PHTF2: variants seen among roughly 807,000 people sequenced by gnomAD.
The protein encoded by PHTF2 is putative homeodomain transcription factor 2, also known as protein PHTF2.
A neutral mutation model predicts 101.2 loss-of-function variants in PHTF2; 60 were observed. That is an observed-to-expected ratio of 0.59 (90% confidence interval 0.48 to 0.73). The LOEUF is 0.73. Among genes scored for constraint, PHTF2 ranks in the 30% least tolerant of loss-of-function variants. The probability of loss-of-function intolerance (pLI) is 0.00; values close to 1 mark genes in which losing one functional copy is unlikely to be tolerated. For synonymous variants in PHTF2, 311 were observed against 307.3 expected (o/e 1.01, Z -0.13); for missense variants, 747 against 908.7 (o/e 0.82, Z 2.29).
At chr7:77,921,856 G>A (rs977159412) in intron 10 of PHTF2, among the ~76,000 whole-genome samples, 7 of 151,968 alleles carry the variant, frequency 4.6e-5, no homozygotes, top group Admixed American at 2.0e-4. Flanking sequence ...TCTGACGTGC[G>A]CACATGCAGT....
At chr7:77,839,588 A>G (rs1338650637) in intron 1 of PHTF2, among the ~76,000 whole-genome samples, 1 of 152,188 alleles carries the variant, frequency 6.6e-6, no homozygotes, top group Non-Finnish European at 1.5e-5. Context: ...TGAAATATTA[A>G]AGAGTTTTTT....
chr7:77,860,643 T>G (rs1339870708), intron 3 of PHTF2, among the ~76,000 whole-genome samples: 3 of 152,214 alleles, frequency 2.0e-5, no homozygotes, highest in Non-Finnish European at 2.9e-5. Flanking sequence ...GCACTTCCTC[T>G]CCCTTCTGTT....
intron 3 of PHTF2, among the ~76,000 whole-genome samples, chr7:77,860,052 T>G (rs1797506432): frequency 6.6e-6 from 1 of 152,208 alleles, no homozygotes; most frequent in Non-Finnish European, 1.5e-5. Flanking sequence ...AAACTGCATG[T>G]AAGTTAAACC....
At chr7:77,888,909 G>A (rs940483444) in intron 3 of PHTF2, among the ~76,000 whole-genome samples, 4 of 152,114 alleles carry the variant, frequency 2.6e-5, no homozygotes, top group Non-Finnish European at 5.9e-5. Flanking sequence ...AAGCAGAAGG[G>A]GAAAGTGCAT....
At chr7:77,912,947 G>T (rs1324577810) in intron 9 of PHTF2, among the ~76,000 whole-genome samples, 5 of 151,446 alleles carry the variant, frequency 3.3e-5, no homozygotes, top group African/African-American at 1.2e-4. Context: ...GAAAGGTACT[G>T]TTTGTCATCT....
intron 17 of PHTF2, among the ~76,000 whole-genome samples, chr7:77,950,710 A>T (rs1294831930): frequency 6.6e-6 from 1 of 151,890 alleles, no homozygotes; most frequent in Non-Finnish European, 1.5e-5. Flanking sequence ...ACTTCCTCCA[A>T]CTCGCTCTGA....
At chr7:77,828,175 G>T (rs1794828207) in intron 1 of PHTF2, among the ~76,000 whole-genome samples, 4 of 152,144 alleles carry the variant, frequency 2.6e-5, no homozygotes, top group Admixed American at 2.0e-4. Flanking sequence ...TAGGTTGGTG[G>T]TAAAACTTTC....
At chr7:77,799,144 C>G (rs1792313904) in intron 1 of PHTF2, among the ~76,000 whole-genome samples, 173 bp downstream of exon 1, 1 of 152,224 alleles carries the variant, frequency 6.6e-6, no homozygotes, top group Non-Finnish European at 1.5e-5. Flanking sequence ...GGCAGTCTCC[C>G]GTACCTGAGG....
intron 12 of PHTF2, among the ~76,000 whole-genome samples, chr7:77,935,295 T>C (rs1329890416): frequency 2.3e-5 from 3 of 132,738 alleles, no homozygotes; most frequent in Non-Finnish European, 3.1e-5. Flanking sequence ...CGATCTCGGC[T>C]CACTTCAAGC....
At chr7:77,856,733 A>G (rs1280704236) in intron 3 of PHTF2, among the ~76,000 whole-genome samples, 2 of 152,104 alleles carry the variant, frequency 1.3e-5, no homozygotes, top group Non-Finnish European at 2.9e-5. Context: ...ACAACTATTT[A>G]CAGAACAGTT....
chr7:77,928,549 G>A (rs1804275124), intron 11 of PHTF2, among the ~76,000 whole-genome samples: 1 of 151,894 alleles, frequency 6.6e-6, no homozygotes, highest in South Asian at 2.1e-4. Context: ...GAGATTGGTA[G>A]ATATCCGGCC....
chr7:77,901,226 A>G (rs149255329), intron 6 of PHTF2, among the ~76,000 whole-genome samples: 7 of 152,352 alleles, frequency 4.6e-5, no homozygotes, highest in African/African-American at 1.7e-4. Flanking sequence ...TCAGATTTGA[A>G]TGGGGACTGA....
exon 20 of PHTF2, chr7:77,957,072 G>A (rs544192904): frequency 6.6e-6 from 1 of 152,282 alleles, no homozygotes; most frequent in South Asian, 2.1e-4. Context: ...ATGAATGTAA[G>A]AAATTGAAAG....
At chr7:77,896,304 C>T (rs1014858134) in intron 5 of PHTF2, among the ~76,000 whole-genome samples, 4 of 152,162 alleles carry the variant, frequency 2.6e-5, no homozygotes, top group Admixed American at 1.3e-4. Flanking sequence ...CACCTGAAAT[C>T]CCAACACTTT....
intron 11 of PHTF2, chr7:77,923,009 C>T: frequency 2.5e-6 from 3 of 1,196,416 alleles, no homozygotes; most frequent in African/African-American, 3.1e-5. Flanking sequence ...TCTTTGAAGA[C>T]TCATACATTG....
chr7:77,929,436 A>C (rs903459913), intron 12 of PHTF2, 109 bp downstream of exon 11: 7 of 620,658 alleles, frequency 1.1e-5, no homozygotes, highest in Non-Finnish European at 1.7e-5. Flanking sequence ...TTATATTTCT[A>C]TAATTTTTTT....
At chr7:77,906,292 A>G (rs1461808891) in intron 7 of PHTF2, 3 of 152,154 alleles carry the variant, frequency 2.0e-5, no homozygotes, top group African/African-American at 2.4e-5. Flanking sequence ...GGCTCTCCAT[A>G]TATCTTCTAA....
chr7:77,932,763 A>G (rs193052938), intron 12 of PHTF2, among the ~76,000 whole-genome samples: 48 of 152,160 alleles, frequency 3.2e-4, no homozygotes, highest in African/African-American at 1.1e-3. Context: ...CTACACAGCT[A>G]TGTGATGTTT....
intron 15 of PHTF2, among the ~76,000 whole-genome samples, chr7:77,942,168 A>T (rs576777239): frequency 6.6e-6 from 1 of 152,128 alleles, no homozygotes; most frequent in Admixed American, 6.5e-5. Flanking sequence ...CCTTAGGGAG[A>T]TCTTCACAGG....
Sources: allele counts gnomAD v4.1 joint callset (sites outside exome capture counted in the v4.1 genomes callset), GRCh38; gene constraint gnomAD v4.1.1; transcripts MANE v1.5; gene names NCBI Gene and HGNC (gene_info 2026-07-23, HGNC 2026-07-21).